Variants in ELOVL2 observed in about 807,000 individuals in gnomAD.
The protein encoded by ELOVL2 is very long chain fatty acid elongase 2.
Under a neutral mutation model 37.7 loss-of-function variants are expected in ELOVL2, and 38 were observed. That is an observed-to-expected ratio of 1.01 (90% CI 0.78 to 1.32). The LOEUF (loss-of-function observed/expected upper bound fraction) is 1.32. Ranked by LOEUF, ELOVL2 falls within the 40% of genes most tolerant of loss-of-function variation. ELOVL2 has a pLI of 0.00. For missense variants in ELOVL2, 352 were observed against 363.6 expected (o/e 0.97, Z 0.26); for synonymous variants, 115 against 122.3 (o/e 0.94, Z 0.40).
At chr6:11,036,989 C>A (rs1350707210) in intron 1 of ELOVL2, among the ~76,000 whole-genome samples, 2 of 145,920 alleles carry the variant, frequency 1.4e-5, no homozygotes, top group Non-Finnish European at 3.0e-5. Flanking sequence ...GAGAGAGAGA[C>A]AGAGGAGGCA....
chr6:10,990,535 A>G, intron 5 of ELOVL2, 93 bp from the exon 6 acceptor site: 1 of 1,217,756 alleles, frequency 8.2e-7, no homozygotes, highest in Non-Finnish European at 1.1e-6. Flanking sequence ...ATGGTAATTG[A>G]AAATGAGTAG....
chr6:11,003,236 A>ATCAACCCCTCATCTAGGTTT (rs1358189814), intron 3 of ELOVL2, among the ~76,000 whole-genome samples: 7 of 152,166 alleles, frequency 4.6e-5, no homozygotes, highest in African/African-American at 1.7e-4. Context: ...TGCTGCACCT[A>ATCAACCCCTCATCTAGGTTT]TCAACCCCTC....
At chr6:11,012,137 G>A (rs997354343) in intron 1 of ELOVL2, among the ~76,000 whole-genome samples, 1 of 152,174 alleles carries the variant, frequency 6.6e-6, no homozygotes, top group African/African-American at 2.4e-5. Flanking sequence ...TCAAGGAAAC[G>A]TATGTCTTCG....
At chr6:11,014,298 G>T (rs959200008) in intron 1 of ELOVL2, among the ~76,000 whole-genome samples, 8 of 152,066 alleles carry the variant, frequency 5.3e-5, no homozygotes, top group African/African-American at 1.9e-4. Context: ...GGCCAACATG[G>T]TGAAACCTCA....
chr6:11,021,421 AG>A (rs1255742668), intron 1 of ELOVL2, among the ~76,000 whole-genome samples: 2 of 152,204 alleles, frequency 1.3e-5, no homozygotes, highest in African/African-American at 4.8e-5. Flanking sequence ...GAAAATCTCA[AG>A]GGTCCACTTT....
At chr6:11,010,941 A>G in intron 1 of ELOVL2, 132 bp from the exon 2 acceptor site, 1 of 660,084 alleles carries the variant, frequency 1.5e-6, no homozygotes. Context: ...TTTTGACTGC[A>G]AAGACTTAAG....
chr6:10,989,938 T>C (rs1782122047), intron 6 of ELOVL2, 101 bp from the exon 7 acceptor site: 1 of 1,377,104 alleles, frequency 7.3e-7, no homozygotes, highest in Admixed American at 2.2e-5. Flanking sequence ...CCTAGGACTC[T>C]TGGAATTATG....
chr6:10,989,664 C>A (rs200803129), intron 7 of ELOVL2, 39 bp downstream of exon 7: 5 of 1,584,178 alleles, frequency 3.2e-6, no homozygotes, highest in Non-Finnish European at 4.3e-6. Context: ...TAGTGCCAAT[C>A]GATTACATTT....
rs183256277 is a variant in ELOVL2, at chr6:10,991,394, G to A, written c.506-952C>T. Among the ~76,000 whole-genome samples, 11 of 151,946 alleles carry A rather than the reference G, an allele frequency of 7.2e-5. No homozygotes were observed. The East Asian group carries it at 2.1e-3, about 30-fold the overall frequency. ...GTGGGAGGGATTGTGGCATTAGAGG[G>A]CCATTTATTGGCTATGTCCCCTTGG... On this transcript the variant is annotated intron_variant, in intron 5 of 7. Transcript: ENST00000354666.
Position 11,044,161 on chromosome 6 carries a change from C to A in ELOVL2, c.3+67G>T. ...CGGCGCCCGCTCGGCCCTTTCCCGCCCGGTGCGTGGGTCCAGGAGAGAAAG... is the reference window on the plus strand; with the variant it reads ...CGGCGCCCGCTCGGCCCTTTCCCGCACGGTGCGTGGGTCCAGGAGAGAAAG... On this transcript the variant is annotated intron_variant, in intron 1 of 7. Coordinates refer to ENST00000354666, the MANE Select transcript of ELOVL2 (RefSeq NM_017770.4). The surrounding 1 kb of genome is among the most constrained non-coding windows in gnomAD (Gnocchi z 5.6). The A allele has an allele frequency of 7.0e-7, 1 of 1,433,296 alleles. No individual in the cohort carries two copies. Among genetic ancestry groups the A allele is most frequent in the Non-Finnish European group, 9.2e-7 (1 of 1,089,586 alleles). 88.8% of individuals were successfully genotyped at this position (1,433,296 alleles called of 1,614,324 possible).
At chr6:11,040,111 TATAAA>T (rs1441730835) in intron 1 of ELOVL2, among the ~76,000 whole-genome samples, 1 of 151,242 alleles carries the variant, frequency 6.6e-6, no homozygotes, top group Non-Finnish European at 1.5e-5. Flanking sequence ...CAACAAACAA[TATAAA>T]ATAAAAAAGA....
At position 11,005,287 on chromosome 6, in the gene ELOVL2, T is replaced by C. The variant is rs531494033; in HGVS notation, c.255+85A>G. The C allele has an allele frequency of 5.0e-6, 6 of 1,210,540 alleles. No individual in the cohort carries two copies. The South Asian group carries it at 7.7e-5, about 16-fold the overall frequency. 75.0% of individuals were successfully genotyped at this position (1,210,540 alleles called of 1,614,324 possible). Reference sequence around the variant, plus strand: ...TTTTAGGTCTTAAAGTAACCTTGCATAGTTCTGCCAGGCTAGATGTGGTTG... The same window carrying C: ...TTTTAGGTCTTAAAGTAACCTTGCACAGTTCTGCCAGGCTAGATGTGGTTG... On this transcript the variant is annotated intron_variant, in intron 3 of 7. Coordinates refer to ENST00000354666, the MANE Select transcript of ELOVL2 (RefSeq NM_017770.4).
chr6:11,033,964 T>G (rs1782972893), intron 1 of ELOVL2, among the ~76,000 whole-genome samples: 1 of 152,226 alleles, frequency 6.6e-6, no homozygotes, highest in African/African-American at 2.4e-5. Flanking sequence ...GAGTGTTTAC[T>G]ATCAAGGAAT....
At chr6:10,999,367 C>G (rs1013675762) in intron 4 of ELOVL2, among the ~76,000 whole-genome samples, 26 of 145,822 alleles carry the variant, frequency 1.8e-4, no homozygotes, top group African/African-American at 5.9e-4. Context: ...GTTCCCTCCC[C>G]TCAAAGGAAA....
At chr6:11,021,955 C>T (rs56934958) in intron 1 of ELOVL2, among the ~76,000 whole-genome samples, 16,319 of 152,056 alleles carry the variant, frequency 0.11, 2,659 homozygotes, top group African/African-American at 0.35. Flanking sequence ...GACAGGGCTG[C>T]CTCAGTAACA....
chr6:11,043,054 G>A (rs974465846), intron 1 of ELOVL2, among the ~76,000 whole-genome samples: 1 of 152,188 alleles, frequency 6.6e-6, no homozygotes, highest in Non-Finnish European at 1.5e-5. Context: ...AGCAGGCAAG[G>A]GGAATATACA....
chr6:10,983,867 G>C lies in ELOVL2; in HGVS notation c.805C>G (p.Pro269Ala), dbSNP rs1323632323. 1 of 1,613,658 alleles carries C rather than the reference G, an allele frequency of 6.2e-7. No homozygotes were observed. The highest frequency in any genetic ancestry group is 1.1e-5 in the South Asian group (1 of 91,026). The change falls in exon 8 of 8, where the codon CCA becomes GCA. Residue 269 changes from proline (P) to alanine (A), a missense_variant. Transcript: ENST00000354666. ...TTCTTCACTTCTTTCCCTGCAGGTG[G>C]CTCTTGCATATCTTTCTTCATTGGC... is the stretch of plus-strand genomic sequence containing the variant. ...KKPMKKDMQE[P>A]PAGKEVKNGF...
At chr6:11,033,775 A>G (rs1782969100) in intron 1 of ELOVL2, among the ~76,000 whole-genome samples, 2 of 152,206 alleles carry the variant, frequency 1.3e-5, no homozygotes, top group Non-Finnish European at 2.9e-5. Context: ...CAGAAGAAAA[A>G]TCCTTAATGT....
At chr6:11,031,909 C>A (rs1466379342) in intron 1 of ELOVL2, among the ~76,000 whole-genome samples, 1 of 152,128 alleles carries the variant, frequency 6.6e-6, no homozygotes, top group Non-Finnish European at 1.5e-5. Flanking sequence ...CTCAAACAGT[C>A]CTTTCCACAC....
Sources: gnomAD v4.1 joint callset for allele counts (sites outside exome capture counted in the v4.1 genomes callset) on GRCh38, gnomAD v4.1.1 for gene constraint, Gnocchi (gnomAD v3.1) non-coding constraint, MANE v1.5 for transcripts, NCBI Gene and HGNC (gene_info 2026-07-23, HGNC 2026-07-21) for gene names.